SUGCT: variants seen among roughly 807,000 people sequenced by gnomAD.
SUGCT encodes succinyl-CoA:glutarate CoA-transferase.
Under a neutral mutation model 55.0 loss-of-function variants are expected in SUGCT, and 41 were observed. The ratio of observed to expected loss-of-function variants is 0.74; its 90% CI spans 0.58 to 0.97. The LOEUF (loss-of-function observed/expected upper bound fraction) is 0.97, where lower values mean the gene tolerates loss of function less well. Ranked by LOEUF, SUGCT falls within the 50% of genes least tolerant of loss-of-function variation. The probability of loss-of-function intolerance (pLI) is 0.00; values close to 1 mark genes in which losing one functional copy is unlikely to be tolerated. For missense variants in SUGCT, 568 were observed against 547.8 expected, an observed-to-expected ratio of 1.04 and a Z score of -0.37; for synonymous variants, 187 against 200.4, an observed-to-expected ratio of 0.93 and a Z score of 0.56.
chr7:40,267,109 A>T (rs1389421589), intron 7 of SUGCT, among the ~76,000 whole-genome samples: 1 of 152,048 alleles, frequency 6.6e-6, no homozygotes, highest in African/African-American at 2.4e-5. Flanking sequence ...ATGAATACAT[A>T]TGGGAAGTGA....
intron 12 of SUGCT, among the ~76,000 whole-genome samples, chr7:40,549,868 A>T (rs1352863319): frequency 1.3e-5 from 2 of 152,208 alleles, no homozygotes; most frequent in Non-Finnish European, 2.9e-5. Context: ...TCGGGGTCAG[A>T]TTCTGAGGAA....
the SUGCT span, among the ~76,000 whole-genome samples, chr7:40,905,343 TTA>T: frequency 6.6e-6 from 1 of 152,176 alleles, no homozygotes; most frequent in Non-Finnish European, 1.5e-5. Flanking sequence ...CCTGAAGAAT[TTA>T]TGTTTTCTCA....
the SUGCT span, among the ~76,000 whole-genome samples, chr7:40,954,540 C>T: frequency 1.2e-4 from 18 of 152,194 alleles, no homozygotes; most frequent in African/African-American, 3.1e-4. Context: ...TCTTCTGCGT[C>T]GCTCACACTG....
At chr7:40,457,643 A>G (rs977456280) in intron 10 of SUGCT, among the ~76,000 whole-genome samples, 6 of 152,206 alleles carry the variant, frequency 3.9e-5, no homozygotes, top group African/African-American at 1.2e-4. Flanking sequence ...GTTAGCTGGC[A>G]TAGCTGAAGA....
At chr7:40,275,617 T>G (rs187437115) in intron 8 of SUGCT, among the ~76,000 whole-genome samples, 52 of 152,246 alleles carry the variant, frequency 3.4e-4, no homozygotes, top group African/African-American at 1.2e-3. Flanking sequence ...CCACTAATAT[T>G]CTTGTGGTTT....
At chr7:40,176,700 C>T (rs531167760) in intron 1 of SUGCT, among the ~76,000 whole-genome samples, 3 of 151,538 alleles carry the variant, frequency 2.0e-5, no homozygotes, top group East Asian at 1.9e-4. Context: ...AGGCCAGGCA[C>T]GGTGCCTCAT....
At chr7:40,534,502 G>A (rs1013167349) in intron 12 of SUGCT, among the ~76,000 whole-genome samples, 1 of 152,038 alleles carries the variant, frequency 6.6e-6, no homozygotes, top group Non-Finnish European at 1.5e-5. Flanking sequence ...CTCTTCCTCA[G>A]CCTCACGAGT....
intron 1 of SUGCT, among the ~76,000 whole-genome samples, chr7:40,172,758 A>C (rs1400615719): frequency 6.6e-6 from 1 of 152,114 alleles, no homozygotes; most frequent in African/African-American, 2.4e-5. Flanking sequence ...GAAAATTGTG[A>C]AAGCAGAAGC....
In SUGCT at chr7:40,301,935, A is replaced by G. The variant is rs1176973900; in HGVS notation, c.721-14825A>G. On this transcript the variant is annotated intron_variant, in intron 8 of 13. Coordinates refer to ENST00000335693, the MANE Select transcript of SUGCT (RefSeq NM_001193313.2). ...GAGCTTCATTCCTTTAGTTGTAGAG[A>G]AAGCTTTTGAATCTTTATTAATTTT... 2.6e-5 allele frequency among the ~76,000 whole-genome samples: 4 copies of G among 152,166 alleles called. 1 individual carries two copies. Among genetic ancestry groups the G allele is most frequent in the Admixed American group, 1.3e-4 (2 of 15,272 alleles).
chr7:40,346,740 G>A (rs866891657), intron 9 of SUGCT, among the ~76,000 whole-genome samples: 3 of 152,074 alleles, frequency 2.0e-5, no homozygotes, highest in Non-Finnish European at 4.4e-5. Flanking sequence ...GTTAAATGAC[G>A]TCATGAGGGT....
At position 40,523,751 on chromosome 7, in the gene SUGCT, T is replaced by C. The variant is rs150796254; in HGVS notation, c.1089+27365T>C. 5.7e-4 allele frequency among the ~76,000 whole-genome samples: 87 copies of C among 152,228 alleles called. 1 individual carries two copies. Among genetic ancestry groups the C allele is most frequent in the African/African-American group, 2.0e-3 (82 of 41,562 alleles). On this transcript the variant is annotated intron_variant, in intron 12 of 13. Transcript: ENST00000335693. ...GTAAAGGAGAAAATCATTATCAAGA[T>C]AAATCCCATGCATGCATGGATTGTT...
chr7:40,675,518 G>T (rs1172074126), intron 12 of SUGCT, among the ~76,000 whole-genome samples: 2 of 152,202 alleles, frequency 1.3e-5, no homozygotes, highest in Non-Finnish European at 2.9e-5. Flanking sequence ...AGAGACAAAA[G>T]CACAACACTG....
chr7:40,181,008 G>A lies in SUGCT; in HGVS notation c.152+10G>A, dbSNP rs1195149799. The stretch of plus-strand genomic sequence containing the variant: ...TTCTGGATCTAACAAGGTTTGTATT[G>A]GTTTATCTACATTTTGGTGATTGGG... On this transcript the variant is annotated intron_variant, in intron 2 of 13. Transcript: ENST00000335693. 6.3e-7 allele frequency: 1 copy of A among 1,595,440 alleles called. No individual in the cohort carries two copies. The highest frequency in any genetic ancestry group is 1.7e-5 in the Admixed American group (1 of 59,424).
At chr7:40,598,514 G>A (rs903879921) in intron 12 of SUGCT, among the ~76,000 whole-genome samples, 5 of 152,162 alleles carry the variant, frequency 3.3e-5, no homozygotes, top group African/African-American at 7.2e-5. Flanking sequence ...GGGCATTCAT[G>A]TATATAAATT....
At chr7:40,271,211 A>G (rs1469169004) in intron 7 of SUGCT, among the ~76,000 whole-genome samples, 1 of 152,230 alleles carries the variant, frequency 6.6e-6, no homozygotes, top group East Asian at 1.9e-4. Flanking sequence ...TGCACTGGCT[A>G]AAACCTCCAG....
At chr7:40,323,668 C>T (rs1385547237) in intron 9 of SUGCT, among the ~76,000 whole-genome samples, 3 of 152,180 alleles carry the variant, frequency 2.0e-5, no homozygotes, top group Non-Finnish European at 2.9e-5. Context: ...GCTAAGATTA[C>T]AGCTGTGAGC....
chr7:40,387,057 TAGC>T (rs1785164543), intron 9 of SUGCT, among the ~76,000 whole-genome samples: 1 of 152,204 alleles, frequency 6.6e-6, no homozygotes, highest in Non-Finnish European at 1.5e-5. Context: ...ACTTCTGTGG[TAGC>T]TGGGCTACCC....
At chr7:40,142,314 T>C (rs766137079) in intron 1 of SUGCT, among the ~76,000 whole-genome samples, 5 of 152,226 alleles carry the variant, frequency 3.3e-5, no homozygotes, top group Non-Finnish European at 5.9e-5. Flanking sequence ...AACTGATTCT[T>C]TGAAGAGAAA....
intron 13 of SUGCT, among the ~76,000 whole-genome samples, chr7:40,804,232 G>A (rs1250341531): frequency 6.6e-6 from 1 of 152,094 alleles, no homozygotes. Context: ...ACTAAGAGAA[G>A]AAATGCTTAC....
Sources: gnomAD v4.1 joint callset for allele counts (sites outside exome capture counted in the v4.1 genomes callset) on GRCh38, gnomAD v4.1.1 for gene constraint, MANE v1.5 for transcripts, NCBI Gene and HGNC (gene_info 2026-07-23, HGNC 2026-07-21) for gene names.